The following MCF2L variants were observed in gnomAD, a reference collection of about 807,000 sequenced individuals.
MCF2L encodes MCF.2 cell line derived transforming sequence like, also known as guanine nucleotide exchange factor DBS.
A neutral mutation model predicts 153.4 loss-of-function variants in MCF2L; 97 were observed. The ratio of observed to expected loss-of-function variants is 0.63; its 90% CI spans 0.54 to 0.75. MCF2L has a LOEUF of 0.75. Ranked by LOEUF, MCF2L falls within the 30% of genes least tolerant of loss-of-function variation. MCF2L has a pLI of 0.00. For synonymous variants in MCF2L, 659 were observed against 632.2 expected (o/e 1.04, Z -0.64); for missense variants, 1,347 against 1,495.2 (o/e 0.90, Z 1.64).
intron 1 of MCF2L, among the ~76,000 whole-genome samples, chr13:112,987,853 C>T (rs1470465058): frequency 1.3e-5 from 2 of 152,206 alleles, no homozygotes; most frequent in African/African-American, 4.8e-5. Context: ...CTCGTCACAG[C>T]GGACCTGTGA....
At chr13:112,912,898 T>C (rs959264795) in intron 2 of MCF2L, among the ~76,000 whole-genome samples, 7 of 144,574 alleles carry the variant, frequency 4.8e-5, no homozygotes, top group Admixed American at 2.7e-4. Flanking sequence ...TGTGTGTCTG[T>C]GGTGTATCTC....
intron 2 of MCF2L, among the ~76,000 whole-genome samples, chr13:112,931,583 C>T (rs1272242889): frequency 6.6e-6 from 1 of 152,304 alleles, no homozygotes; most frequent in East Asian, 1.9e-4. Flanking sequence ...TGCCTCTCCT[C>T]ACCTTGACAG....
intron 8 of MCF2L, among the ~76,000 whole-genome samples, chr13:113,066,916 C>T (rs1344664773): frequency 6.6e-6 from 1 of 152,214 alleles, no homozygotes; most frequent in Non-Finnish European, 1.5e-5. Context: ...TTGACTCCCA[C>T]GCAGCGTGGC....
intron 3 of MCF2L, among the ~76,000 whole-genome samples, chr13:113,032,319 CTGTGAGCGTG>C (rs1395598581): frequency 2.6e-5 from 4 of 152,330 alleles, no homozygotes; most frequent in African/African-American, 9.6e-5. Flanking sequence ...CAGGAAGTGT[CTGTGAGCGTG>C]TGTGAGCGTG....
At chr13:113,059,580 C>T (rs1437601992) in intron 4 of MCF2L, among the ~76,000 whole-genome samples, 3 of 152,172 alleles carry the variant, frequency 2.0e-5, no homozygotes, top group Non-Finnish European at 4.4e-5. Flanking sequence ...AACTTGGTGT[C>T]GAGAGCAACC....
intron 2 of MCF2L, among the ~76,000 whole-genome samples, chr13:112,942,012 C>T (rs1209937192): frequency 3.3e-5 from 5 of 152,166 alleles, no homozygotes; most frequent in African/African-American, 7.2e-5. Flanking sequence ...CTAGCGGTAG[C>T]GTCAGTGTCA....
intron 2 of MCF2L, among the ~76,000 whole-genome samples, chr13:112,963,947 C>T (rs529191445): frequency 1.4e-4 from 22 of 152,360 alleles, no homozygotes; most frequent in Non-Finnish European, 2.4e-4. Flanking sequence ...ACCCCAAGGA[C>T]GCAGGGGACT....
At chr13:113,087,847 G>A (rs1566875995) in intron 23 of MCF2L, 48 bp downstream of exon 23, 1 of 1,489,578 alleles carries the variant, frequency 6.7e-7, no homozygotes, top group Non-Finnish European at 9.4e-7. Flanking sequence ...GCCACGAATG[G>A]TTTCTCATGG....
intron 1 of MCF2L, chr13:112,902,107 G>T (rs2081124930): frequency 1.4e-5 from 13 of 938,120 alleles, no homozygotes; most frequent in Non-Finnish European, 2.0e-5. Context: ...CACGAAGGTT[G>T]TAACTAGTTA....
At chr13:112,962,298 C>T (rs1012765060) in intron 2 of MCF2L, among the ~76,000 whole-genome samples, 1 of 152,170 alleles carries the variant, frequency 6.6e-6, no homozygotes, top group Non-Finnish European at 1.5e-5. Flanking sequence ...CGCATGTACA[C>T]ACACTCAGGC....
chr13:112,952,908 A>G (rs1223834577), intron 2 of MCF2L, among the ~76,000 whole-genome samples: 1 of 152,146 alleles, frequency 6.6e-6, no homozygotes, highest in Non-Finnish European at 1.5e-5. Context: ...CAGAGAGAAC[A>G]CGGGGCGCCC....
intron 2 of MCF2L, among the ~76,000 whole-genome samples, chr13:113,018,683 CAGGGCGGG>C (rs2084687761): frequency 6.6e-6 from 1 of 152,214 alleles, no homozygotes; most frequent in South Asian, 2.1e-4. Context: ...GAGCTAAAAA[CAGGGCGGG>C]AGAATTTACC....
chr13:113,060,263 C>T (rs1041394419), intron 4 of MCF2L, among the ~76,000 whole-genome samples: 1 of 152,228 alleles, frequency 6.6e-6, no homozygotes, highest in Non-Finnish European at 1.5e-5. Context: ...AGGTCACGTT[C>T]GGAGGCACTG....
chr13:113,042,794 A>G (rs1348506066), intron 3 of MCF2L: 1 of 152,230 alleles, frequency 6.6e-6, no homozygotes, highest in African/African-American at 2.4e-5. Flanking sequence ...TTTGGGCCAC[A>G]GAGGTCTGGG....
intron 27 of MCF2L, chr13:113,095,738 A>G: frequency 1.0e-6 from 1 of 995,472 alleles, no homozygotes; most frequent in South Asian, 4.6e-5. Context: ...GCAGCCCACC[A>G]CACGCAGCAC....
intron 26 of MCF2L, chr13:113,090,632 G>C (rs2035117351): frequency 3.6e-5 from 35 of 985,342 alleles, no homozygotes; most frequent in Non-Finnish European, 4.1e-5. Flanking sequence ...AGAGCTCCAT[G>C]ATGGGAAATA....
chr13:113,018,620 T>A (rs964114903), intron 2 of MCF2L, among the ~76,000 whole-genome samples: 1 of 152,142 alleles, frequency 6.6e-6, no homozygotes, highest in Non-Finnish European at 1.5e-5. Context: ...GTCTCAGAAC[T>A]CAGTCCTTGT....
intron 3 of MCF2L, among the ~76,000 whole-genome samples, chr13:113,026,393 C>T (rs1223072797): frequency 6.6e-6 from 1 of 152,242 alleles, no homozygotes; most frequent in Non-Finnish European, 1.5e-5. Context: ...TTCCGAGGAG[C>T]TCAGGAGTCT....
In MCF2L at chr13:113,027,149, G is replaced by A. The variant is rs376747432; in HGVS notation, c.278+2391G>A. On this transcript the variant is annotated intron_variant, in intron 3 of 29. Coordinates refer to ENST00000535094, the MANE Select transcript of MCF2L (RefSeq NM_001112732.3). The surrounding 1 kb of genome is among the most constrained non-coding windows in gnomAD (Gnocchi z 4.8). ...TAACCATCAGCGTGAAAGTGCAGCC[G>A]TGGCCATTACCGTGAAGGTTCTTCA... is the stretch of plus-strand genomic sequence containing the variant. 8.7e-6 allele frequency: 6 copies of A among 688,128 alleles called. No individual in the cohort carries two copies. The highest frequency in any genetic ancestry group is 5.4e-5 in the East Asian group (2 of 37,124). 42.6% of individuals were successfully genotyped at this position (688,128 alleles called of 1,614,324 possible). A position where few individuals can be genotyped will look rare whatever the true frequency, so the allele number is the denominator to read the frequency against.
Sources: allele counts gnomAD v4.1 joint callset (sites outside exome capture counted in the v4.1 genomes callset), GRCh38; gene constraint gnomAD v4.1.1; non-coding constraint Gnocchi (gnomAD v3.1); transcripts MANE v1.5; gene names NCBI Gene and HGNC (gene_info 2026-07-23, HGNC 2026-07-21).